Variants in GALNT13 observed in about 807,000 individuals in gnomAD.
GALNT13 encodes polypeptide N-acetylgalactosaminyltransferase 13, also known as UDP-GalNAc:polypeptide N-acetylgalactosaminyltransferase 13.
In GALNT13, 28 loss-of-function variants were observed where a neutral mutation model predicts 64.2. The observed-to-expected ratio is 0.44, with a 90% CI of 0.32 to 0.60. GALNT13 has a LOEUF of 0.60. Among genes scored for constraint, GALNT13 ranks in the 20% least tolerant of loss-of-function variants. The pLI is 0.05. For missense variants in GALNT13, 577 were observed against 669.8 expected (o/e 0.86, Z 1.53); for synonymous variants, 214 against 224.6 (o/e 0.95, Z 0.42).
chr2:154,283,202 A>G (rs1242430400), intron 8 of GALNT13, among the ~76,000 whole-genome samples: 1 of 152,160 alleles, frequency 6.6e-6, no homozygotes, highest in Non-Finnish European at 1.5e-5. Flanking sequence ...GAGAGTTGAT[A>G]TACTGATAGG....
At chr2:154,283,763 A>G (rs1245147425) in intron 8 of GALNT13, among the ~76,000 whole-genome samples, 3 of 152,110 alleles carry the variant, frequency 2.0e-5, no homozygotes, top group African/African-American at 7.2e-5. Context: ...ATCCACATAC[A>G]TATACATGAA....
the GALNT13 span, among the ~76,000 whole-genome samples, chr2:153,809,037 T>C: frequency 6.6e-6 from 1 of 152,226 alleles, no homozygotes; most frequent in Non-Finnish European, 1.5e-5. Context: ...TAAGCATTCC[T>C]ATTATATTTC....
intron 3 of GALNT13, among the ~76,000 whole-genome samples, chr2:154,057,144 C>A (rs1446934159): frequency 2.6e-5 from 4 of 152,082 alleles, no homozygotes; most frequent in Non-Finnish European, 4.4e-5. Context: ...ATTCTCCTGC[C>A]TCAGCTTCCT....
the GALNT13 span, among the ~76,000 whole-genome samples, chr2:153,553,811 G>A: frequency 6.6e-6 from 1 of 152,114 alleles, no homozygotes; most frequent in Non-Finnish European, 1.5e-5. Flanking sequence ...GAGAGAAATA[G>A]ACTTCAGACA....
the GALNT13 span, among the ~76,000 whole-genome samples, chr2:153,500,512 G>A: frequency 1.3e-5 from 2 of 152,168 alleles, no homozygotes; most frequent in Non-Finnish European, 2.9e-5. Context: ...ACCTGGCAGC[G>A]TTTGCAGGAT....
chr2:153,807,983 T>C, the GALNT13 span, among the ~76,000 whole-genome samples: 3 of 152,304 alleles, frequency 2.0e-5, no homozygotes, highest in African/African-American at 7.2e-5. Flanking sequence ...TGAAACCACT[T>C]TCAACTGAAT....
the GALNT13 span, among the ~76,000 whole-genome samples, chr2:153,765,570 T>C: frequency 6.6e-6 from 1 of 152,208 alleles, no homozygotes; most frequent in Non-Finnish European, 1.5e-5. Context: ...TTGCCTTGTG[T>C]CAGATGAGAC....
Position 154,216,717 on chromosome 2 carries a change from A to T in GALNT13, c.312-25313A>T, listed in dbSNP as rs552455786. 1.1e-3 allele frequency among the ~76,000 whole-genome samples: 163 copies of T among 151,916 alleles called. 1 individual carries two copies. The highest frequency in any genetic ancestry group is 2.6e-3 in the Admixed American group (39 of 15,236). On this transcript the variant is annotated intron_variant, in intron 4 of 12. Coordinates refer to ENST00000392825, the MANE Select transcript of GALNT13 (RefSeq NM_052917.4). ...CCCATCTGTCTGCATATAATAATTA[A>T]GAAAAAATATTAAAATGATTCATTT...
chr2:153,683,306 C>T, the GALNT13 span, among the ~76,000 whole-genome samples: 29,307 of 151,540 alleles, frequency 0.19, 3,259 homozygotes, highest in Non-Finnish European at 0.25. Context: ...AAGTGCTAGA[C>T]GCAGTGCCTA....
chr2:153,699,641 A>G, the GALNT13 span, among the ~76,000 whole-genome samples: 1 of 152,162 alleles, frequency 6.6e-6, no homozygotes. Flanking sequence ...TAGACACAAT[A>G]AAAAATGATA....
At chr2:153,827,276 C>A in the GALNT13 span, among the ~76,000 whole-genome samples, 1 of 152,098 alleles carries the variant, frequency 6.6e-6, no homozygotes, top group Non-Finnish European at 1.5e-5. Flanking sequence ...AATTACACCC[C>A]ACTGGGTTCC....
rs1574388111 is a variant in GALNT13, at chr2:154,037,468, C to T, written c.142+92829C>T. Among the ~76,000 whole-genome samples the T allele has an allele frequency of 2.0e-5, 3 of 152,178 alleles. No homozygotes were observed. In the South Asian group the frequency reaches 6.2e-4, roughly 31 times the overall value. On this transcript the variant is annotated intron_variant, in intron 3 of 12. Coordinates refer to ENST00000392825, the MANE Select transcript of GALNT13 (RefSeq NM_052917.4). ...GGAACTAGACAAGGATGCCTCCTTT[C>T]ACCATTCTTACTCAACATAGCACTG...
chr2:153,823,401 G>A, the GALNT13 span, among the ~76,000 whole-genome samples: 2 of 152,166 alleles, frequency 1.3e-5, no homozygotes, highest in East Asian at 1.9e-4. Context: ...AACCAAAACA[G>A]CATGGTACTG....
chr2:153,314,709 G>C, the GALNT13 span, among the ~76,000 whole-genome samples: 161 of 138,824 alleles, frequency 1.2e-3, 1 homozygote, highest in African/African-American at 4.4e-3. Context: ...CAGGGAAATA[G>C]ATAATACTTT....
chr2:154,242,980 T>A (rs562067309), intron 6 of GALNT13, 75 bp downstream of exon 6: 2 of 1,220,030 alleles, frequency 1.6e-6, no homozygotes, highest in South Asian at 2.8e-5. Flanking sequence ...CCATCAGAAT[T>A]TCTCTTCCAA....
intron 3 of GALNT13, among the ~76,000 whole-genome samples, chr2:153,992,969 A>T (rs1189463163): frequency 6.6e-6 from 1 of 152,150 alleles, no homozygotes; most frequent in Admixed American, 6.6e-5. Flanking sequence ...AATCCTACAA[A>T]TATTTACTTT....
chr2:154,220,140 A>G (rs1156469460), intron 4 of GALNT13, among the ~76,000 whole-genome samples: 1 of 152,054 alleles, frequency 6.6e-6, no homozygotes, highest in Non-Finnish European at 1.5e-5. Flanking sequence ...CCTTGGCTTT[A>G]TGGACATCTA....
At chr2:153,260,004 G>A in the GALNT13 span, among the ~76,000 whole-genome samples, 1 of 151,702 alleles carries the variant, frequency 6.6e-6, no homozygotes, top group African/African-American at 2.4e-5. Flanking sequence ...TTTACCCTGA[G>A]GCTTGCAAAT....
intron 9 of GALNT13, among the ~76,000 whole-genome samples, chr2:154,369,376 G>A (rs1028121985): frequency 6.6e-6 from 1 of 152,124 alleles, no homozygotes; most frequent in African/African-American, 2.4e-5. Flanking sequence ...CCTGATTTCT[G>A]TGAAAATTAA....
Sources: allele counts gnomAD v4.1 joint callset (sites outside exome capture counted in the v4.1 genomes callset), GRCh38; gene constraint gnomAD v4.1.1; transcripts MANE v1.5; gene names NCBI Gene and HGNC (gene_info 2026-07-23, HGNC 2026-07-21).